GON4L: variants seen among roughly 807,000 people sequenced by gnomAD.
GON4L encodes GON-4-like protein.
GON4L carries 87 observed loss-of-function variants against 211.8 expected under a neutral mutation model. The observed-to-expected ratio is 0.41, with a 90% CI of 0.35 to 0.49. GON4L has a LOEUF of 0.49. Ranked by LOEUF, GON4L falls within the 20% of genes least tolerant of loss-of-function variation. The pLI is 0.15. For missense variants in GON4L, 2,155 were observed against 2,659.5 expected (o/e 0.81, Z 4.17); for synonymous variants, 875 against 962.6 (o/e 0.91, Z 1.68).
chr1:155,748,141 C>T, downstream of GON4L: 1 of 1,582,348 alleles, frequency 6.3e-7, no homozygotes, highest in Non-Finnish European at 8.6e-7. Context: ...AGTCTCGGTG[C>T]TCTTGTTCTG....
At chr1:155,756,005 A>T (rs1356036505) in intron 27 of GON4L, among the ~76,000 whole-genome samples, 1 of 151,886 alleles carries the variant, frequency 6.6e-6, no homozygotes, top group African/African-American at 2.4e-5. Flanking sequence ...ATACTGCTTG[A>T]AGAGCAGTGA....
chr1:155,829,334 G>A (rs1370624343), intron 2 of GON4L, among the ~76,000 whole-genome samples: 2 of 152,144 alleles, frequency 1.3e-5, no homozygotes, highest in African/African-American at 2.4e-5. Flanking sequence ...AGCCAGGCAT[G>A]GTGGTTCACA....
Position 155,758,024 on chromosome 1 carries a change from T to G in GON4L, c.5120A>C (p.Gln1707Pro). Reference protein sequence around the residue: ...QALACGLFEEQQAFEKSRKFL... With the variant: ...QALACGLFEEPQAFEKSRKFL... Reference sequence around the variant, plus strand: ...CTTGCGGCTCTTCTCAAAAGCCTGCTGCTCCTCAAACTACCAGAGTGGAAA... The same window carrying G: ...CTTGCGGCTCTTCTCAAAAGCCTGCGGCTCCTCAAACTACCAGAGTGGAAA... Residue 1707 changes from glutamine (Q) to proline (P), a missense_variant, in exon 25 of 32, where the codon CAG (glutamine) becomes CCG (proline). Coordinates refer to ENST00000368331, the MANE Select transcript of GON4L (RefSeq NM_001282860.2). 1 of 422,714 alleles carries G rather than the reference T, an allele frequency of 2.4e-6. No homozygotes were observed. Among genetic ancestry groups the G allele is most frequent in the Non-Finnish European group, 4.1e-6 (1 of 243,946 alleles). 26.2% of individuals were successfully genotyped at this position (422,714 alleles called of 1,614,324 possible). A position where few individuals can be genotyped will look rare whatever the true frequency, so the allele number is the denominator to read the frequency against.
chr1:155,858,551 T>G (rs1672446319), upstream of GON4L, among the ~76,000 whole-genome samples: 1 of 152,108 alleles, frequency 6.6e-6, no homozygotes, highest in Admixed American at 6.6e-5. Flanking sequence ...ATCTTTCGGT[T>G]TGGCCTCTCT....
chr1:155,849,884 C>T (rs1382681526), intron 2 of GON4L, among the ~76,000 whole-genome samples: 1 of 149,342 alleles, frequency 6.7e-6, no homozygotes, highest in African/African-American at 2.5e-5. Context: ...TATCTCCTTA[C>T]TATTTTCTTT....
At chr1:155,817,563 G>A (rs1262517318) in intron 6 of GON4L, among the ~76,000 whole-genome samples, 1 of 152,114 alleles carries the variant, frequency 6.6e-6, no homozygotes, top group Non-Finnish European at 1.5e-5. Flanking sequence ...CCTACCTACT[G>A]CCAAATCCAT....
At chr1:155,773,317 C>G in intron 17 of GON4L, 107 bp from the exon 18 acceptor site, 1 of 1,262,516 alleles carries the variant, frequency 7.9e-7, no homozygotes, top group Non-Finnish European at 1.1e-6. Context: ...CCTTACCTAA[C>G]TTGATTCCCT....
At chr1:155,858,940 C>G (rs969220502), upstream of GON4L, among the ~76,000 whole-genome samples, 1 of 152,020 alleles carries the variant, frequency 6.6e-6, no homozygotes, top group African/African-American at 2.4e-5. Context: ...AGTGATCTGC[C>G]CGCCTTGGCC....
At chr1:155,761,888 G>C (rs1661844270) in intron 23 of GON4L, among the ~76,000 whole-genome samples, 1 of 152,154 alleles carries the variant, frequency 6.6e-6, no homozygotes, top group African/African-American at 2.4e-5. Context: ...TTCTATAAAG[G>C]TCCTTATCAG....
At chr1:155,795,892 C>T (rs1470629705) in intron 11 of GON4L, among the ~76,000 whole-genome samples, 3 of 152,152 alleles carry the variant, frequency 2.0e-5, no homozygotes, top group Admixed American at 1.3e-4. Context: ...AATGCCTCGG[C>T]CTCCCAAAGT....
chr1:155,801,823 C>A (rs977024628), intron 11 of GON4L, among the ~76,000 whole-genome samples: 3 of 151,756 alleles, frequency 2.0e-5, no homozygotes, highest in African/African-American at 7.3e-5. Flanking sequence ...GCAGAGGTTG[C>A]AGTGAGCCGA....
At chr1:155,760,867 G>A (rs1008505871) in intron 23 of GON4L, among the ~76,000 whole-genome samples, 2 of 152,080 alleles carry the variant, frequency 1.3e-5, no homozygotes, top group East Asian at 1.9e-4. Flanking sequence ...CATCTTCCAC[G>A]TTCCACAGTT....
At chr1:155,848,864 T>C (rs748655764) in intron 2 of GON4L, among the ~76,000 whole-genome samples, 1 of 152,154 alleles carries the variant, frequency 6.6e-6, no homozygotes, top group African/African-American at 2.4e-5. Context: ...TACGGAATTG[T>C]AGGTCGGGCG....
At chr1:155,745,361 C>G (rs1394090951), downstream of GON4L, among the ~76,000 whole-genome samples, 3 of 152,214 alleles carry the variant, frequency 2.0e-5, no homozygotes, top group African/African-American at 7.2e-5. Context: ...TCTGAAGAGT[C>G]GTGATCCGTG....
chr1:155,855,734 A>G (rs1368567700), intron 1 of GON4L, among the ~76,000 whole-genome samples: 1 of 152,120 alleles, frequency 6.6e-6, no homozygotes, highest in African/African-American at 2.4e-5. Context: ...TGTAATCCCA[A>G]CACTCTGGGA....
chr1:155,827,765 G>C (rs138643173), intron 2 of GON4L, among the ~76,000 whole-genome samples: 2 of 152,006 alleles, frequency 1.3e-5, no homozygotes, highest in East Asian at 3.9e-4. Context: ...CACTTTGGGA[G>C]GCTGAGGCAG....
chr1:155,805,256 A>T (rs1483122260), intron 10 of GON4L, 115 bp from the exon 11 acceptor site: 10 of 731,320 alleles, frequency 1.4e-5, no homozygotes, highest in Admixed American at 2.2e-5. Context: ...AACAATTTGG[A>T]TTTATTATTG....
chr1:155,787,497 G>A (rs541884084), intron 12 of GON4L, among the ~76,000 whole-genome samples: 10 of 152,284 alleles, frequency 6.6e-5, no homozygotes, highest in South Asian at 6.2e-4. Flanking sequence ...TCCAGGCCAC[G>A]GGCAGTGGCT....
intron 24 of GON4L, among the ~76,000 whole-genome samples, chr1:155,759,967 A>ATATATATATATATGATATATATATAT (rs1557827170): frequency 3.5e-5 from 4 of 115,274 alleles, no homozygotes; most frequent in African/African-American, 2.1e-4. Context: ...TTTATATATT[A>ATATATATATATATGATATATATATAT]TATATATATA....
Sources: gnomAD v4.1 joint callset for allele counts (sites outside exome capture counted in the v4.1 genomes callset) on GRCh38, gnomAD v4.1.1 for gene constraint, MANE v1.5 for transcripts, NCBI Gene and HGNC (gene_info 2026-07-23, HGNC 2026-07-21) for gene names.